OTOP1: variants seen among roughly 807,000 people sequenced by gnomAD.
OTOP1 encodes proton channel OTOP1.
Under a neutral mutation model 52.9 loss-of-function variants are expected in OTOP1, and 59 were observed. That is an observed-to-expected ratio of 1.12 (90% CI 0.91 to 1.39). The LOEUF is 1.39. Among genes scored for constraint, OTOP1 ranks in the 40% most tolerant of loss-of-function variants. The pLI, the probability that OTOP1 is intolerant of heterozygous loss-of-function variation, is 0.00. For synonymous variants in OTOP1, 317 were observed against 337.7 expected, an observed-to-expected ratio of 0.94 and a Z score of 0.67; for missense variants, 761 against 800.9, an observed-to-expected ratio of 0.95 and a Z score of 0.60.
chr4:4,200,809 C>T (rs1322883364), intron 4 of OTOP1, among the ~76,000 whole-genome samples: 1 of 150,742 alleles, frequency 6.6e-6, no homozygotes, highest in African/African-American at 2.4e-5. Flanking sequence ...GCTCCAGCCT[C>T]GGGATTACAA....
chr4:4,198,080 A>T lies in OTOP1; in HGVS notation c.754T>A (p.Cys252Ser). ...TTVLDDHTPQ[C>S]NCTPPTLCTA... ...CACAGAGTTGGGGGCGTGCAGTTAC[A>T]CTGCGGTGTGTGGTCATCTAAAACT... The change falls in exon 5 of 6, where the codon TGT becomes AGT. Residue 252 changes from cysteine (C) to serine (S), a missense_variant. By Grantham distance (112) the Cys-to-Ser change is moderately radical. Coordinates refer to ENST00000296358, the MANE Select transcript of OTOP1 (RefSeq NM_177998.3). 6.2e-7 allele frequency: 1 copy of T among 1,613,938 alleles called. No homozygotes were observed. The highest frequency in any genetic ancestry group is 1.1e-5 in the South Asian group (1 of 91,076).
At position 4,213,004 on chromosome 4, in the gene OTOP1, C is replaced by A; in HGVS notation, c.404G>T (p.Gly135Val). Reference sequence around the variant, plus strand: ...AATGACTGCAAACAATGTGATACTACCTAAATGTGGGATGAAGGGGGAAGT... The same window carrying A: ...AATGACTGCAAACAATGTGATACTAACTAAATGTGGGATGAAGGGGGAAGT... The part of the protein sequence containing the change: ...DTHAGAGWLR[G>V]SITLFAVITV... Residue 135 changes from glycine to valine, a missense_variant and splice_region_variant, in exon 2 of 6, where the codon GGT becomes GTT. Gly to Val is a moderately radical substitution (Grantham distance 109). Coordinates refer to ENST00000296358, the MANE Select transcript of OTOP1 (RefSeq NM_177998.3). 1 of 1,613,352 alleles carries A rather than the reference C, an allele frequency of 6.2e-7. No homozygotes were observed. Among genetic ancestry groups the A allele is most frequent in the Middle Eastern group, 1.7e-4 (1 of 6,058 alleles).
In OTOP1 at chr4:4,188,785, GTCTCT is replaced by G; in HGVS notation, c.*13_*17del. 3 of 1,600,770 alleles carry G rather than the reference GTCTCT, an allele frequency of 1.9e-6. No homozygotes were observed. Among genetic ancestry groups the G allele is most frequent in the Non-Finnish European group, 2.6e-6 (3 of 1,173,772 alleles). ...TGAACTCTTGTTAGCTCACTCCTAG[GTCTCT>G]TGTGGACCCAGACTATATCTTACAA... is the stretch of plus-strand genomic sequence containing the variant. On this transcript the variant is annotated 3_prime_UTR_variant, in exon 6 of 6. Transcript: ENST00000296358.
At chr4:4,201,384 G>A (rs1328266935) in intron 4 of OTOP1, among the ~76,000 whole-genome samples, 6 of 151,556 alleles carry the variant, frequency 4.0e-5, no homozygotes, top group African/African-American at 1.2e-4. Flanking sequence ...CCGAGGTCAC[G>A]CCACTGTACT....
intron 1 of OTOP1, among the ~76,000 whole-genome samples, chr4:4,219,529 G>A (rs181283241): frequency 4.6e-5 from 7 of 151,694 alleles, no homozygotes; most frequent in South Asian, 2.1e-4. Context: ...GTGAAACCCC[G>A]TCTCTACTAA....
At chr4:4,204,125 C>A (rs764815523) in intron 3 of OTOP1, among the ~76,000 whole-genome samples, 7 of 152,208 alleles carry the variant, frequency 4.6e-5, no homozygotes, top group Non-Finnish European at 5.9e-5. Context: ...TTAACCTCAG[C>A]TGATCTCTCT....
intron 2 of OTOP1, 138 bp from the exon 3 acceptor site, chr4:4,206,268 T>C (rs1169995002): frequency 3.1e-6 from 2 of 635,382 alleles, no homozygotes; most frequent in Admixed American, 5.7e-5. Context: ...CCATCTTAGG[T>C]GGCAGTGCCA....
intron 1 of OTOP1, among the ~76,000 whole-genome samples, chr4:4,220,166 A>G (rs1717270794): frequency 7.0e-6 from 1 of 142,866 alleles, no homozygotes; most frequent in African/African-American, 2.6e-5. Flanking sequence ...GCAATGGCGC[A>G]AGCTCTGCCC....
chr4:4,199,399 G>T (rs937586247), intron 4 of OTOP1, among the ~76,000 whole-genome samples: 2 of 151,818 alleles, frequency 1.3e-5, no homozygotes, highest in South Asian at 2.1e-4. Flanking sequence ...GGGGTATTTT[G>T]GGGGTTTTTT....
At chr4:4,224,394 G>C (rs543837745) in intron 1 of OTOP1, among the ~76,000 whole-genome samples, 1 of 151,026 alleles carries the variant, frequency 6.6e-6, no homozygotes, top group Non-Finnish European at 1.5e-5. Flanking sequence ...GAAGGCGAGG[G>C]AATAGGGAGG....
intron 5 of OTOP1, 57 bp downstream of exon 5, chr4:4,197,109 C>T (rs1179453912): frequency 1.1e-5 from 16 of 1,513,586 alleles, no homozygotes; most frequent in African/African-American, 4.2e-5. Context: ...CCCCTTGAAC[C>T]GAAAATGAAA....
chr4:4,193,985 C>T (rs1300301724), intron 5 of OTOP1, among the ~76,000 whole-genome samples: 6 of 152,096 alleles, frequency 3.9e-5, no homozygotes, highest in African/African-American at 2.4e-5. Flanking sequence ...GTTAGGAGTT[C>T]GAGACCACCC....
Position 4,226,342 on chromosome 4 carries a change from G to A in OTOP1, c.403+120C>T, listed in dbSNP as rs576578476. 2.1e-5 allele frequency: 21 copies of A among 1,006,224 alleles called. No homozygotes were observed. In the East Asian group the frequency reaches 5.9e-4, roughly 28 times the overall value. The allele number at this position is 1,006,224 out of a possible 1,614,324, so 62.3% of individuals were successfully genotyped here. On this transcript the variant is annotated intron_variant, in intron 1 of 5. Transcript: ENST00000296358. Reference sequence around the variant, plus strand: ...AGGAAAGCTAGGAAAGATGCACAGAGAGACCAAGGCAGAAAAGGCTGAAGG... The same window carrying A: ...AGGAAAGCTAGGAAAGATGCACAGAAAGACCAAGGCAGAAAAGGCTGAAGG...
At chr4:4,192,484 G>C (rs1208959378) in intron 5 of OTOP1, among the ~76,000 whole-genome samples, 8 of 152,198 alleles carry the variant, frequency 5.3e-5, no homozygotes, top group Admixed American at 1.3e-4. Context: ...ATACATTTGG[G>C]GTAGTTCATT....
chr4:4,189,015 C>T (rs1439749242), intron 5 of OTOP1, 42 bp from the exon 6 acceptor site: 7 of 1,583,594 alleles, frequency 4.4e-6, no homozygotes, highest in Non-Finnish European at 5.2e-6. Flanking sequence ...GGAGCAGCTT[C>T]CAAGCCACCA....
At chr4:4,198,317 T>G (rs187420337) in intron 4 of OTOP1, among the ~76,000 whole-genome samples, 1 of 152,264 alleles carries the variant, frequency 6.6e-6, no homozygotes, top group Admixed American at 6.5e-5. Flanking sequence ...TAAATCACAT[T>G]CATTTGGTGA....
intron 5 of OTOP1, among the ~76,000 whole-genome samples, chr4:4,194,623 C>T (rs780264742): frequency 6.6e-6 from 1 of 152,166 alleles, no homozygotes; most frequent in Non-Finnish European, 1.5e-5. Context: ...AGCTGCAGGC[C>T]CTGTATGCAC....
At chr4:4,225,794 A>T (rs1235684734) in intron 1 of OTOP1, among the ~76,000 whole-genome samples, 2 of 152,034 alleles carry the variant, frequency 1.3e-5, no homozygotes, top group East Asian at 3.9e-4. Context: ...AGAGCTCCCC[A>T]GTGGAGTGGA....
rs1239492135 is a variant in OTOP1 at position 4,226,682 on chromosome 4, C to G, written c.183G>C (p.Leu61=). The G allele has an allele frequency of 5.2e-6, 8 of 1,526,744 alleles. No homozygotes were observed. Among genetic ancestry groups the G allele is most frequent in the Non-Finnish European group, 6.2e-6 (7 of 1,136,954 alleles). 94.6% of individuals were successfully genotyped at this position (1,526,744 alleles called of 1,614,324 possible). A position where few individuals can be genotyped will look rare whatever the true frequency, so the allele number is the denominator to read the frequency against. Residue 61 remains leucine, a synonymous_variant, in exon 1 of 6, where the codon CTG becomes CTC. Transcript: ENST00000296358. ...ACACGATCAGCCCATACTGGCTGCT[C>G]AGCATCTCGGCCAGTTTCTGTGGGA... is the stretch of plus-strand genomic sequence containing the variant. ...ASVPQKLAEM[L]SSQYGLIVFV...
Sources: gnomAD v4.1 joint callset for allele counts (sites outside exome capture counted in the v4.1 genomes callset) on GRCh38, gnomAD v4.1.1 for gene constraint, MANE v1.5 for transcripts, NCBI Gene and HGNC (gene_info 2026-07-23, HGNC 2026-07-21) for gene names.